STRBP: variants seen among roughly 807,000 people sequenced by gnomAD.
The protein encoded by STRBP is spermatid perinuclear RNA binding protein.
A neutral mutation model predicts 80.1 loss-of-function variants in STRBP; 13 were observed. The observed-to-expected ratio is 0.16, with a 90% confidence interval of 0.11 to 0.26. The LOEUF (loss-of-function observed/expected upper bound fraction) is 0.26, where lower values mean the gene tolerates loss of function less well. Among genes scored for constraint, STRBP ranks in the 10% least tolerant of loss-of-function variants. The pLI, the probability that STRBP is intolerant of heterozygous loss-of-function variation, is 1.00. For missense variants in STRBP, 485 were observed against 815.2 expected, an observed-to-expected ratio of 0.59 and a Z score of 4.93; for synonymous variants, 284 against 291.2, an observed-to-expected ratio of 0.98 and a Z score of 0.25.
chr9:123,252,048 A>G (rs1377448786), intron 1 of STRBP, among the ~76,000 whole-genome samples: 1 of 151,726 alleles, frequency 6.6e-6, no homozygotes, highest in Admixed American at 6.6e-5. Flanking sequence ...TTTTAGCTCA[A>G]TTATACAATA....
chr9:123,264,697 A>C (rs1053904919), intron 1 of STRBP, among the ~76,000 whole-genome samples: 3 of 152,210 alleles, frequency 2.0e-5, no homozygotes, highest in African/African-American at 7.2e-5. Context: ...CCAGAACCCA[A>C]TTATTCAGCC....
rs2035809720 is a variant in STRBP at position 123,124,013 on chromosome 9, A to C, written c.*1584T>G. The C allele has an allele frequency of 2.0e-6, 2 of 985,442 alleles. No homozygotes were observed. The highest frequency in any genetic ancestry group is 2.4e-6 in the Non-Finnish European group (2 of 829,942). 61.0% of individuals were successfully genotyped at this position (985,442 alleles called of 1,614,324 possible). A position where few individuals can be genotyped will look rare whatever the true frequency, so the allele number is the denominator to read the frequency against. On this transcript the variant is annotated 3_prime_UTR_variant, in exon 19 of 19. Coordinates refer to ENST00000348403, the MANE Select transcript of STRBP (RefSeq NM_018387.5). Reference sequence around the variant, plus strand: ...ATTAAAGTATCACCCACCACTAATAAAGACAAAAGACCAAGGAGAAGAAAC... The same window carrying C: ...ATTAAAGTATCACCCACCACTAATACAGACAAAAGACCAAGGAGAAGAAAC...
intron 3 of STRBP, chr9:123,113,883 C>G (rs1464873976): frequency 6.0e-6 from 1 of 167,158 alleles, no homozygotes; most frequent in Non-Finnish European, 1.5e-5. Flanking sequence ...TACGCACTGT[C>G]TCTGGCTGCT....
chr9:123,232,743 CAG>C (rs1286636314), intron 2 of STRBP, among the ~76,000 whole-genome samples: 2 of 152,138 alleles, frequency 1.3e-5, no homozygotes, highest in South Asian at 2.1e-4. Flanking sequence ...ACGAAATGGG[CAG>C]AGTTAGGAAA....
At chr9:123,167,718 C>T (rs968486673) in intron 6 of STRBP, among the ~76,000 whole-genome samples, 2 of 152,012 alleles carry the variant, frequency 1.3e-5, no homozygotes, top group Admixed American at 6.5e-5. Context: ...TTACCTGATC[C>T]CATATAACAG....
At chr9:123,206,717 C>T (rs1313315789) in intron 2 of STRBP, among the ~76,000 whole-genome samples, 1 of 152,000 alleles carries the variant, frequency 6.6e-6, no homozygotes, top group Non-Finnish European at 1.5e-5. Flanking sequence ...CGGCTCATCA[C>T]AACCTCCGCC....
At chr9:123,172,620 A>G (rs893504059) in intron 5 of STRBP, among the ~76,000 whole-genome samples, 2 of 152,210 alleles carry the variant, frequency 1.3e-5, no homozygotes, top group Non-Finnish European at 2.9e-5. Flanking sequence ...AGACAAAATG[A>G]TAACATAGTG....
chr9:123,159,913 T>C (rs980099377), intron 8 of STRBP, among the ~76,000 whole-genome samples: 8 of 152,230 alleles, frequency 5.3e-5, no homozygotes, highest in African/African-American at 1.2e-4. Context: ...ATGAACTTAT[T>C]TGTAAATGTC....
At chr9:123,134,906 G>A (rs1377611838) in intron 16 of STRBP, among the ~76,000 whole-genome samples, 2 of 152,094 alleles carry the variant, frequency 1.3e-5, no homozygotes, top group Non-Finnish European at 2.9e-5. Flanking sequence ...ACTTGTTTTC[G>A]ACATGCGTAA....
intron 2 of STRBP, among the ~76,000 whole-genome samples, chr9:123,221,470 CTG>C: frequency 6.6e-6 from 1 of 151,816 alleles, no homozygotes; most frequent in South Asian, 2.1e-4. Flanking sequence ...TATCAATTAA[CTG>C]TTAAAAATCT....
intron 3 of STRBP, chr9:123,114,915 C>A: frequency 3.2e-6 from 1 of 314,398 alleles, no homozygotes; most frequent in South Asian, 3.2e-5. Context: ...CCTGCCTCTC[C>A]ATCCCTCTGC....
intron 6 of STRBP, among the ~76,000 whole-genome samples, chr9:123,164,209 C>A (rs1420339422): frequency 6.6e-6 from 1 of 152,060 alleles, no homozygotes; most frequent in Non-Finnish European, 1.5e-5. Flanking sequence ...CCATGCCCTG[C>A]TAATTTTTGT....
At chr9:123,149,013 G>A (rs1348613407) in intron 11 of STRBP, among the ~76,000 whole-genome samples, 1 of 152,136 alleles carries the variant, frequency 6.6e-6, no homozygotes, top group Non-Finnish European at 1.5e-5. Context: ...AATTATTAGA[G>A]AAAAGTTCAT....
chr9:123,125,519 C>A lies in STRBP; in HGVS notation c.*78G>T, dbSNP rs1284460062. On this transcript the variant is annotated 3_prime_UTR_variant, in exon 19 of 19. Coordinates refer to ENST00000348403, the MANE Select transcript of STRBP (RefSeq NM_018387.5). ...TGATCAAGTATGTGTTCAAAGAAAG[C>A]AGGATAAAAAGGCTTTTTCTCTAAC... The A allele has an allele frequency of 1.4e-6, 2 of 1,393,480 alleles. No individual in the cohort carries two copies. Among genetic ancestry groups the A allele is most frequent in the Non-Finnish European group, 1.9e-6 (2 of 1,065,834 alleles). The allele number at this position is 1,393,480 out of a possible 1,614,324, so 86.3% of individuals were successfully genotyped here. A position where few individuals can be genotyped will look rare whatever the true frequency, so the allele number is the denominator to read the frequency against.
intron 3 of STRBP, 118 bp from the exon 4 acceptor site, chr9:123,179,345 A>G (rs772542025): frequency 2.6e-5 from 22 of 843,052 alleles, no homozygotes; most frequent in Non-Finnish European, 3.4e-5. Context: ...TGAAACAGTT[A>G]ATACTGAAAC....
chr9:123,171,872 G>T (rs889612677), intron 5 of STRBP, among the ~76,000 whole-genome samples: 1 of 152,066 alleles, frequency 6.6e-6, no homozygotes, highest in Non-Finnish European at 1.5e-5. Flanking sequence ...GAGATGGTTT[G>T]TATACCCTGT....
chr9:123,187,004 C>T (rs988214536), intron 2 of STRBP, among the ~76,000 whole-genome samples: 28 of 152,002 alleles, frequency 1.8e-4, no homozygotes, highest in African/African-American at 6.5e-4. Context: ...AATTCCACTA[C>T]TAATTAGTAG....
At chr9:123,262,264 G>A (rs1248395627) in intron 1 of STRBP, among the ~76,000 whole-genome samples, 1 of 152,130 alleles carries the variant, frequency 6.6e-6, no homozygotes. Flanking sequence ...GCTTAATAAT[G>A]GCATACTAAA....
chr9:123,212,112 T>C (rs1232114253), intron 2 of STRBP, among the ~76,000 whole-genome samples: 5 of 152,174 alleles, frequency 3.3e-5, no homozygotes, highest in Non-Finnish European at 7.3e-5. Context: ...TTTCAGTTAT[T>C]AGAAAACTCA....
Sources: gnomAD v4.1 joint callset for allele counts (sites outside exome capture counted in the v4.1 genomes callset) on GRCh38, gnomAD v4.1.1 for gene constraint, MANE v1.5 for transcripts, NCBI Gene and HGNC (gene_info 2026-07-23, HGNC 2026-07-21) for gene names.